NUTF2: variants seen among roughly 807,000 people sequenced by gnomAD.
The protein encoded by NUTF2 is nuclear transport factor 2, also known as placental protein 15.
A neutral mutation model predicts 18.5 loss-of-function variants in NUTF2; 3 were observed. The ratio of observed to expected loss-of-function variants is 0.16; its 90% CI spans 0.07 to 0.42. The LOEUF is 0.42. NUTF2 is among the 10% of genes least tolerant of loss of function. The probability of loss-of-function intolerance (pLI) is 0.99; values close to 1 mark genes in which losing one functional copy is unlikely to be tolerated. For synonymous variants in NUTF2, 51 were observed against 57.9 expected (o/e 0.88, Z 0.54); for missense variants, 44 against 160.7 (o/e 0.27, Z 3.93).
chr16:67,865,332 C>A, intron 2 of NUTF2, 103 bp downstream of exon 2: 1 of 765,680 alleles, frequency 1.3e-6, no homozygotes, highest in Non-Finnish European at 2.2e-6. Flanking sequence ...TCTGGACTGG[C>A]TACACCTCTG....
chr16:67,867,755 C>T (rs773852227), intron 2 of NUTF2, among the ~76,000 whole-genome samples: 36 of 152,158 alleles, frequency 2.4e-4, no homozygotes, highest in East Asian at 9.7e-4. Context: ...GGTGCGATTT[C>T]GGCTCGCTAC....
intron 1 of NUTF2, among the ~76,000 whole-genome samples, chr16:67,860,104 C>T (rs566667589): frequency 6.6e-6 from 1 of 152,030 alleles, no homozygotes; most frequent in Non-Finnish European, 1.5e-5. Flanking sequence ...CTCAGCCTCC[C>T]AAGTAGCTGG....
At chr16:67,867,778 C>G (rs976232217) in intron 2 of NUTF2, among the ~76,000 whole-genome samples, 3 of 152,180 alleles carry the variant, frequency 2.0e-5, no homozygotes, top group Non-Finnish European at 4.4e-5. Context: ...ACCGCCGCCT[C>G]CTGGGTTCAA....
At chr16:67,847,563 A>C (rs2151291994) in intron 1 of NUTF2, 1 of 152,504 alleles carries the variant, frequency 6.6e-6, no homozygotes, top group South Asian at 2.1e-4. Context: ...TGCCCCTCGG[A>C]AGTGTACGTT....
intron 1 of NUTF2, chr16:67,856,035 G>C (rs2057894291): frequency 1.2e-6 from 1 of 824,182 alleles, no homozygotes; most frequent in South Asian, 1.4e-5. Flanking sequence ...TTGCTCAGGG[G>C]CCGGCACTCA....
intron 1 of NUTF2, among the ~76,000 whole-genome samples, chr16:67,859,795 CTTTTTTT>C (rs34914554): frequency 1.1e-4 from 5 of 45,622 alleles, no homozygotes; most frequent in African/African-American, 5.2e-4. Context: ...TGCGCCAGGC[CTTTTTTT>C]TTTTTTTTTT....
chr16:67,866,606 C>T (rs1245118598), intron 2 of NUTF2, among the ~76,000 whole-genome samples: 1 of 152,140 alleles, frequency 6.6e-6, no homozygotes, highest in Non-Finnish European at 1.5e-5. Flanking sequence ...TCTGGGACTA[C>T]AGGCACGTGT....
chr16:67,849,690 A>G (rs1009303123), intron 1 of NUTF2, among the ~76,000 whole-genome samples: 1 of 115,540 alleles, frequency 8.7e-6, no homozygotes, highest in Admixed American at 8.8e-5. Context: ...ACGGAGTCTC[A>G]CTCTGTCACC....
At chr16:67,864,509 CAAAAAAAAAAAAAAA>C (rs572931294) in intron 1 of NUTF2, among the ~76,000 whole-genome samples, 1 of 53,084 alleles carries the variant, frequency 1.9e-5, no homozygotes, top group Non-Finnish European at 4.5e-5. Flanking sequence ...AACTCTGTCT[CAAAAAAAAAAAAAAA>C]AAAAAAAAAG....
Position 67,846,939 on chromosome 16 carries a change from C to G in NUTF2, c.-76C>G, listed in dbSNP as rs1398899634. On this transcript the variant is annotated 5_prime_UTR_variant, in exon 1 of 5. Transcript: ENST00000219169. ...GGGGAAGGGACAGTCGGCCGCAGAC[C>G]GCGCTGGGTTGCCGCTGCCGCTGCC... 1 of 152,436 alleles carries G rather than the reference C, an allele frequency of 6.6e-6. No homozygotes were observed. Among genetic ancestry groups the G allele is most frequent in the South Asian group, 2.1e-4 (1 of 4,842 alleles). 9.4% of individuals were successfully genotyped at this position (152,436 alleles called of 1,614,324 possible).
At chr16:67,866,076 C>T (rs1219282973) in intron 2 of NUTF2, among the ~76,000 whole-genome samples, 3 of 152,112 alleles carry the variant, frequency 2.0e-5, no homozygotes, top group Non-Finnish European at 2.9e-5. Context: ...TTGACTCTGC[C>T]TGAGAGTCAG....
intron 4 of NUTF2, chr16:67,868,806 T>A: frequency 4.2e-6 from 2 of 473,574 alleles, no homozygotes; most frequent in East Asian, 3.8e-5. Context: ...AAAATGTACT[T>A]CTTCGGTTGT....
At chr16:67,870,613 C>T (rs2058004852) in intron 4 of NUTF2, 187 bp from the exon 5 acceptor site, 1 of 607,826 alleles carries the variant, frequency 1.6e-6, no homozygotes, top group South Asian at 2.0e-5. Context: ...CCTACATGTG[C>T]CCAGGGCATT....
At chr16:67,866,480 T>G (rs965417447) in intron 2 of NUTF2, among the ~76,000 whole-genome samples, 1 of 151,802 alleles carries the variant, frequency 6.6e-6, no homozygotes, top group African/African-American at 2.4e-5. Context: ...TTTTTTTTTT[T>G]CTTGAGATGC....
chr16:67,865,299 G>C (rs2057962931), intron 2 of NUTF2, 70 bp downstream of exon 2: 1 of 1,100,744 alleles, frequency 9.1e-7, no homozygotes, highest in Non-Finnish European at 1.4e-6. Context: ...AGTGTGTCCA[G>C]TTCACAAGTT....
At chr16:67,864,202 T>TG (rs2057953185) in intron 1 of NUTF2, among the ~76,000 whole-genome samples, 1 of 152,138 alleles carries the variant, frequency 6.6e-6, no homozygotes, top group African/African-American at 2.4e-5. Context: ...AGGGATCACT[T>TG]GCTGTTTTTG....
chr16:67,848,551 C>A (rs1339346147), intron 1 of NUTF2, among the ~76,000 whole-genome samples: 1 of 152,006 alleles, frequency 6.6e-6, no homozygotes, highest in Non-Finnish European at 1.5e-5. Context: ...CCACTGTACT[C>A]CAGCCTGGGT....
intron 1 of NUTF2, 125 bp downstream of exon 1, chr16:67,847,110 A>G (rs1220420516): frequency 1.3e-5 from 2 of 149,502 alleles, no homozygotes; most frequent in African/African-American, 2.5e-5. Flanking sequence ...GGCGGCCCGA[A>G]GCCGCGCGGG....
chr16:67,861,750 T>C (rs1345716550), intron 1 of NUTF2, among the ~76,000 whole-genome samples: 1 of 152,220 alleles, frequency 6.6e-6, no homozygotes, highest in Non-Finnish European at 1.5e-5. Flanking sequence ...TGAGGCTGCC[T>C]CTGAGCCCGG....
Sources: allele counts gnomAD v4.1 joint callset (sites outside exome capture counted in the v4.1 genomes callset), GRCh38; gene constraint gnomAD v4.1.1; transcripts MANE v1.5; gene names NCBI Gene and HGNC (gene_info 2026-07-23, HGNC 2026-07-21).